DOP1B: variants seen among roughly 807,000 people sequenced by gnomAD.
The protein encoded by DOP1B is protein DOP1B.
A neutral mutation model predicts 233.5 loss-of-function variants in DOP1B; 174 were observed. That is an observed-to-expected ratio of 0.75 (90% confidence interval 0.66 to 0.85). The LOEUF (loss-of-function observed/expected upper bound fraction) is 0.85. DOP1B is among the 40% of genes least tolerant of loss of function. The probability of loss-of-function intolerance (pLI) is 0.00; values close to 1 mark genes in which losing one functional copy is unlikely to be tolerated. For missense variants in DOP1B, 2,652 were observed against 2,846.6 expected, an observed-to-expected ratio of 0.93 and a Z score of 1.56; for synonymous variants, 1,190 against 1,185.6, an observed-to-expected ratio of 1.00 and a Z score of -0.08.
At chr21:36,216,973 G>T (rs1423940387) in intron 9 of DOP1B, among the ~76,000 whole-genome samples, 3 of 151,878 alleles carry the variant, frequency 2.0e-5, no homozygotes, top group Non-Finnish European at 4.4e-5. Context: ...TACTTGGGAG[G>T]CTGAGGCACA....
At position 36,288,163 on chromosome 21, in the gene DOP1B, A is replaced by G; in HGVS notation, c.6297+13A>G. ...GGTCTCTGAATTGGTGAGTACAAGT[A>G]TTGTAAGTTTGAAAGCAAGGTTGGA... On this transcript the variant is annotated intron_variant, in intron 33 of 36. Transcript: ENST00000691173. The G allele has an allele frequency of 1.3e-6, 2 of 1,599,670 alleles. No homozygotes were observed. Among genetic ancestry groups the G allele is most frequent in the Non-Finnish European group, 1.7e-6 (2 of 1,175,246 alleles).
intron 9 of DOP1B, among the ~76,000 whole-genome samples, chr21:36,218,796 G>A (rs1004765783): frequency 1.3e-5 from 2 of 152,194 alleles, no homozygotes; most frequent in African/African-American, 4.8e-5. Context: ...CTGCCTGGTT[G>A]CAGGGAAGCT....
intron 2 of DOP1B, among the ~76,000 whole-genome samples, chr21:36,166,504 A>G (rs1421802846): frequency 6.6e-6 from 1 of 152,096 alleles, no homozygotes; most frequent in Admixed American, 6.6e-5. Context: ...CCACATCTCT[A>G]TATAAGTGAC....
intron 2 of DOP1B, chr21:36,169,288 C>A (rs151016802): frequency 1.2e-6 from 1 of 802,480 alleles, no homozygotes. Context: ...TGTTCTTGAT[C>A]GGTTTGCTGT....
chr21:36,227,699 A>T lies in DOP1B; in HGVS notation c.1487A>T (p.Glu496Val). Residue 496 changes from glutamate to valine, a missense_variant, in exon 13 of 37, where the codon GAG becomes GTG. Transcript: ENST00000691173. ...TTTATTTCACAGGAACTTTACTCTG[A>T]GGTGCAAACCCAGTATCTCCCTCAG... ...LDVIPLELYS[E>V]VQTQYLPQVL... The T allele has an allele frequency of 6.4e-7, 1 of 1,554,348 alleles. No homozygotes were observed. The highest frequency in any genetic ancestry group is 8.7e-7 in the Non-Finnish European group (1 of 1,143,932).
intron 11 of DOP1B, among the ~76,000 whole-genome samples, chr21:36,224,152 T>C (rs1310381565): frequency 6.6e-6 from 1 of 152,058 alleles, no homozygotes; most frequent in African/African-American, 2.4e-5. Context: ...CTGGTTGTTA[T>C]GTTATTTTTT....
chr21:36,287,910 T>A, intron 32 of DOP1B, 104 bp from the exon 33 acceptor site: 2 of 1,398,562 alleles, frequency 1.4e-6, no homozygotes, highest in Non-Finnish European at 1.9e-6. Flanking sequence ...TTACACTGGG[T>A]TGTTACTAGA....
Position 36,251,142 on chromosome 21 carries a change from T to G in DOP1B, c.4999-20T>G. ...GCCCCAATATTACTCTGCAGTAACT[T>G]TTTTTTCCCTATTTTCTAGACCATA... On this transcript the variant is annotated intron_variant, in intron 21 of 36. Coordinates refer to ENST00000691173, the MANE Select transcript of DOP1B (RefSeq NM_001320714.2). The G allele has an allele frequency of 6.2e-7, 1 of 1,602,400 alleles. No individual in the cohort carries two copies. The highest frequency in any genetic ancestry group is 8.5e-7 in the Non-Finnish European group (1 of 1,176,816).
intron 7 of DOP1B, among the ~76,000 whole-genome samples, chr21:36,212,309 T>C (rs548533876): frequency 1.3e-5 from 2 of 152,264 alleles, no homozygotes; most frequent in African/African-American, 4.8e-5. Context: ...AAAGGGGAAA[T>C]AATAAGTGGG....
intron 28 of DOP1B, 43 bp from the exon 29 acceptor site, chr21:36,277,932 G>A (rs770639161): frequency 6.5e-6 from 10 of 1,529,290 alleles, no homozygotes; most frequent in South Asian, 2.2e-5. Flanking sequence ...GTGAGCCGTC[G>A]CACCTGGCCA....
At chr21:36,226,729 G>A (rs1357959131) in intron 12 of DOP1B, among the ~76,000 whole-genome samples, 1 of 152,082 alleles carries the variant, frequency 6.6e-6, no homozygotes, top group Non-Finnish European at 1.5e-5. Context: ...AAGTGTCTGA[G>A]ACCACAGGCA....
chr21:36,279,663 C>A (rs1448601910), intron 30 of DOP1B, among the ~76,000 whole-genome samples: 2 of 152,178 alleles, frequency 1.3e-5, no homozygotes, highest in Non-Finnish European at 2.9e-5. Flanking sequence ...TTTTCATCAA[C>A]ACAACTGTGT....
At chr21:36,186,958 G>A (rs745735170) in intron 2 of DOP1B, among the ~76,000 whole-genome samples, 6 of 151,936 alleles carry the variant, frequency 3.9e-5, no homozygotes, top group East Asian at 1.9e-4. Flanking sequence ...ATTGACTTTC[G>A]GGGCCCGTCT....
At chr21:36,224,116 T>A (rs1243216587) in intron 11 of DOP1B, among the ~76,000 whole-genome samples, 3 of 152,074 alleles carry the variant, frequency 2.0e-5, no homozygotes, top group African/African-American at 7.2e-5. Context: ...CATATTATAT[T>A]GAGGTTAGAG....
intron 13 of DOP1B, among the ~76,000 whole-genome samples, chr21:36,230,045 G>A (rs1408774443): frequency 1.3e-5 from 2 of 150,354 alleles, no homozygotes; most frequent in African/African-American, 2.5e-5. Flanking sequence ...AACAGTTCTC[G>A]CTCTGTTGTC....
intron 2 of DOP1B, among the ~76,000 whole-genome samples, chr21:36,197,301 G>A (rs1191738725): frequency 1.3e-5 from 2 of 152,144 alleles, no homozygotes; most frequent in East Asian, 1.9e-4. Context: ...GATATCTGAT[G>A]AAAAATATTC....
At chr21:36,214,665 A>T in intron 9 of DOP1B, 109 bp downstream of exon 9, 1 of 999,130 alleles carries the variant, frequency 1.0e-6, no homozygotes, top group Non-Finnish European at 1.5e-6. Context: ...ATATAATTTA[A>T]TATTTGGAAT....
At chr21:36,272,913 G>A (rs1364521508) in intron 27 of DOP1B, among the ~76,000 whole-genome samples, 1 of 150,066 alleles carries the variant, frequency 6.7e-6, no homozygotes, top group African/African-American at 2.5e-5. Context: ...GAACCTGGGA[G>A]GCGGAGGTTA....
chr21:36,167,940 C>CTTTTTTTTTTTT (rs869190433), intron 2 of DOP1B, among the ~76,000 whole-genome samples: 197 of 40,006 alleles, frequency 4.9e-3, no homozygotes, highest in Non-Finnish European at 7.1e-3. Flanking sequence ...TTTTCTTTTT[C>CTTTTTTTTTTTT]TTTTTTTTTT....
Sources: allele counts gnomAD v4.1 joint callset (sites outside exome capture counted in the v4.1 genomes callset), GRCh38; gene constraint gnomAD v4.1.1; transcripts MANE v1.5; gene names NCBI Gene and HGNC (gene_info 2026-07-23, HGNC 2026-07-21).